The following CDHR2 variants were observed in gnomAD, a reference collection of about 807,000 sequenced individuals.
CDHR2 encodes cadherin related family member 2.
Under a neutral mutation model 138.6 loss-of-function variants are expected in CDHR2, and 104 were observed. That is an observed-to-expected ratio of 0.75 (90% CI 0.64 to 0.88). CDHR2 has a LOEUF of 0.88. CDHR2 is among the 40% of genes least tolerant of loss of function. The pLI is 0.00. For synonymous variants in CDHR2, 755 were observed against 742.8 expected, an observed-to-expected ratio of 1.02 and a Z score of -0.27; for missense variants, 1,624 against 1,727.6, an observed-to-expected ratio of 0.94 and a Z score of 1.06.
rs370718457 is a variant in CDHR2 at position 176,589,163 on chromosome 5, G to C, written c.2989G>C (p.Val997Leu). 1.2e-6 allele frequency: 2 copies of C among 1,614,150 alleles called. No homozygotes were observed. The highest frequency in any genetic ancestry group is 1.7e-6 in the Non-Finnish European group (2 of 1,180,002). ...GATCTTCACCTCCTCCGAGGCCGAC[G>C]TGTTCGCTGGGAGCATTCAGTAACT... ...FSIFTSSEADVFAGSIQPVTS... is the reference protein window; with the variant it reads ...FSIFTSSEADLFAGSIQPVTS... The change falls in exon 22 of 32, where the codon GTG becomes CTG. Residue 997 changes from valine (V) to leucine (L), a missense_variant. Transcript: ENST00000261944.
At chr5:176,586,701 G>T in intron 20 of CDHR2, 92 bp from the exon 21 acceptor site, 1 of 1,189,216 alleles carries the variant, frequency 8.4e-7, no homozygotes, top group Non-Finnish European at 1.2e-6. Flanking sequence ...GCAGGTTTAG[G>T]GGGATGAGCC....
At chr5:176,588,124 TTGG>T (rs1451275360) in intron 21 of CDHR2, among the ~76,000 whole-genome samples, 2 of 152,186 alleles carry the variant, frequency 1.3e-5, no homozygotes, top group Non-Finnish European at 2.9e-5. Flanking sequence ...ACTAGGGGAA[TTGG>T]TACTCCCCGC....
intron 17 of CDHR2, among the ~76,000 whole-genome samples, chr5:176,583,888 C>T (rs1187530370): frequency 1.3e-5 from 2 of 152,130 alleles, no homozygotes; most frequent in African/African-American, 2.4e-5. Context: ...CAGAACTGTG[C>T]TTCTAGAAAG....
In CDHR2 at chr5:176,589,109, G is replaced by A. The variant is rs1447500121; in HGVS notation, c.2935G>A (p.Ala979Thr). Residue 979 changes from alanine (A) to threonine (T), a missense_variant, in exon 22 of 32, where the codon GCC (alanine) becomes ACC (threonine). Ala to Thr is a moderately conservative substitution (Grantham distance 58). Coordinates refer to ENST00000261944, the MANE Select transcript of CDHR2 (RefSeq NM_017675.6). Reference protein sequence around the residue: ...LRVDFISKDGATIPFQGVFSI... With the variant: ...LRVDFISKDGTTIPFQGVFSI... ...AGTAGACTTCATCTCTAAGGACGGG[G>A]CCACCATCCCTTTCCAGGGTGTCTT... 3 of 1,614,006 alleles carry A rather than the reference G, an allele frequency of 1.9e-6. No individual in the cohort carries two copies. Among genetic ancestry groups the A allele is most frequent in the East Asian group, 2.2e-5 (1 of 44,894 alleles).
intron 7 of CDHR2, among the ~76,000 whole-genome samples, chr5:176,574,506 C>T (rs772327555): frequency 2.0e-5 from 3 of 152,236 alleles, no homozygotes; most frequent in Non-Finnish European, 2.9e-5. Context: ...GCACCAACCA[C>T]GTGCCTGGCA....
At chr5:176,587,633 C>T (rs1023222732) in intron 21 of CDHR2, among the ~76,000 whole-genome samples, 2 of 152,028 alleles carry the variant, frequency 1.3e-5, no homozygotes, top group African/African-American at 4.8e-5. Context: ...GCTGCCTACC[C>T]TCTCTGGGAC....
intron 31 of CDHR2, among the ~76,000 whole-genome samples, chr5:176,594,429 AGGTGTGAGTGGCT>A (rs1758966917): frequency 6.6e-6 from 1 of 152,162 alleles, no homozygotes; most frequent in Non-Finnish European, 1.5e-5. Context: ...TCTGTGTGGT[AGGTGTGAGTGGCT>A]GGAGAGATTA....
At chr5:176,589,483 C>T in intron 23 of CDHR2, 45 bp downstream of exon 23, 2 of 1,612,348 alleles carry the variant, frequency 1.2e-6, no homozygotes, top group Non-Finnish European at 1.7e-6. Context: ...CTCTGCCAGC[C>T]CCCAGGGTCC....
chr5:176,565,584 TAAGG>T, intron 2 of CDHR2, 84 bp from the exon 3 acceptor site: 22 of 1,328,024 alleles, frequency 1.7e-5, no homozygotes, highest in Non-Finnish European at 2.2e-5. Flanking sequence ...TGGGTGGCCA[TAAGG>T]ACTAGTGTGT....
chr5:176,582,063 C>G (rs746932056), intron 17 of CDHR2, among the ~76,000 whole-genome samples: 1 of 152,236 alleles, frequency 6.6e-6, no homozygotes, highest in Non-Finnish European at 1.5e-5. Flanking sequence ...CTTTGTCACC[C>G]AGGCTGCAGT....
intron 1 of CDHR2, among the ~76,000 whole-genome samples, chr5:176,557,220 T>C (rs1757854486): frequency 6.6e-6 from 1 of 152,012 alleles, no homozygotes; most frequent in Non-Finnish European, 1.5e-5. Flanking sequence ...TTTTTTTGTT[T>C]TTTGAGACAG....
intron 17 of CDHR2, among the ~76,000 whole-genome samples, chr5:176,582,130 C>T (rs1274936189): frequency 6.6e-6 from 1 of 152,226 alleles, no homozygotes; most frequent in African/African-American, 2.4e-5. Flanking sequence ...AAGCGATCCT[C>T]CTGCCTCAGC....
intron 1 of CDHR2, among the ~76,000 whole-genome samples, chr5:176,555,944 T>C (rs1034408061): frequency 1.2e-4 from 19 of 152,176 alleles, no homozygotes; most frequent in African/African-American, 4.3e-4. Context: ...CTACTGTTTT[T>C]TGTTTTTCTT....
In CDHR2 at chr5:176,591,428, C is replaced by G. The variant is rs143090784; in HGVS notation, c.3678C>G (p.Pro1226=). The G allele has an allele frequency of 6.2e-7, 1 of 1,614,078 alleles. No individual in the cohort carries two copies. Among genetic ancestry groups the G allele is most frequent in the African/African-American group, 1.3e-5 (1 of 75,068 alleles). ...TERANPMLNL[P]NKDLGLEYLS... is the part of the protein sequence containing the mutation. ...GAGCCAACCCCATGCTGAACCTCCC[C>G]AACAAAGACCTGGGCTTGGAGTACC... The change falls in exon 30 of 32, where the codon CCC becomes CCG. Residue 1226 remains proline, a synonymous_variant. Transcript: ENST00000261944.
At chr5:176,587,058 T>G (rs1758687961) in intron 21 of CDHR2, among the ~76,000 whole-genome samples, 1 of 152,244 alleles carries the variant, frequency 6.6e-6, no homozygotes, top group Non-Finnish European at 1.5e-5. Flanking sequence ...TAAATACCAC[T>G]TGCAGTCCAG....
At chr5:176,567,079 C>G in intron 3 of CDHR2, 1 of 454,402 alleles carries the variant, frequency 2.2e-6, no homozygotes. Flanking sequence ...AGAAAGTTCC[C>G]TGTGTCCAGT....
chr5:176,548,744 AAAAT>A (rs995826375), upstream of CDHR2, among the ~76,000 whole-genome samples: 2 of 152,200 alleles, frequency 1.3e-5, no homozygotes, highest in South Asian at 2.1e-4. Flanking sequence ...CTCTGACTCA[AAAAT>A]AAATAAATAA....
chr5:176,567,157 G>C, intron 3 of CDHR2: 1 of 361,500 alleles, frequency 2.8e-6, no homozygotes. Context: ...GCTGGAGAGG[G>C]AGGAGTGCAC....
At chr5:176,571,340 A>C (rs1472539826) in intron 6 of CDHR2, 38 bp downstream of exon 6, 2 of 1,458,506 alleles carry the variant, frequency 1.4e-6, no homozygotes, top group Non-Finnish European at 1.9e-6. Context: ...GGCAGGGGGC[A>C]TCCCAAAGTG....
Sources: gnomAD v4.1 joint callset for allele counts (sites outside exome capture counted in the v4.1 genomes callset) on GRCh38, gnomAD v4.1.1 for gene constraint, MANE v1.5 for transcripts, NCBI Gene and HGNC (gene_info 2026-07-23, HGNC 2026-07-21) for gene names.